PREP: variants seen among roughly 807,000 people sequenced by gnomAD.
PREP encodes the protein prolyl endopeptidase.
In PREP, 29 loss-of-function variants were observed where a neutral mutation model predicts 87.6. That is an observed-to-expected ratio of 0.33 (90% CI 0.25 to 0.45). The LOEUF (loss-of-function observed/expected upper bound fraction) is 0.45. PREP is among the 20% of genes least tolerant of loss of function. The pLI is 1.00. For synonymous variants in PREP, 337 were observed against 328.6 expected (o/e 1.03, Z -0.28); for missense variants, 695 against 886.5 (o/e 0.78, Z 2.74).
chr6:105,361,009 GA>G (rs1206901714), intron 6 of PREP, among the ~76,000 whole-genome samples: 7 of 152,060 alleles, frequency 4.6e-5, no homozygotes, highest in African/African-American at 1.4e-4. Context: ...GGGTAAGTAT[GA>G]AATAGATACT....
At chr6:105,315,111 C>A (rs937341311) in intron 10 of PREP, among the ~76,000 whole-genome samples, 5 of 152,162 alleles carry the variant, frequency 3.3e-5, no homozygotes, top group African/African-American at 4.8e-5. Flanking sequence ...GTCATCCAGG[C>A]CATTTCTAGA....
chr6:105,336,689 A>G (rs945396758), intron 7 of PREP, among the ~76,000 whole-genome samples: 1 of 152,198 alleles, frequency 6.6e-6, no homozygotes. Flanking sequence ...CTTTCTCATT[A>G]GCTATGTGAT....
intron 8 of PREP, among the ~76,000 whole-genome samples, 173 bp downstream of exon 8, chr6:105,333,141 A>G (rs541711579): frequency 3.5e-4 from 54 of 152,346 alleles, no homozygotes; most frequent in African/African-American, 1.3e-3. Context: ...CTAAGCTACA[A>G]AGATATCACA....
At position 105,319,749 on chromosome 6, in the gene PREP, C is replaced by G. The variant is rs554277285; in HGVS notation, c.1317+3916G>C. Among the ~76,000 whole-genome samples the G allele has an allele frequency of 6.0e-4, 92 of 152,326 alleles. 1 individual carries two copies. Among genetic ancestry groups the G allele is most frequent in the African/African-American group, 2.2e-3 (90 of 41,568 alleles). On this transcript the variant is annotated intron_variant, in intron 10 of 14. Transcript: ENST00000652536. Reference sequence around the variant, plus strand: ...TCAAAGCCCTGCCCAACTTCCATCCCTCCTGTGAAGGCTTCCTCCTTTACC... The same window carrying G: ...TCAAAGCCCTGCCCAACTTCCATCCGTCCTGTGAAGGCTTCCTCCTTTACC...
intron 7 of PREP, among the ~76,000 whole-genome samples, chr6:105,351,983 A>G (rs1411526097): frequency 6.6e-6 from 1 of 152,216 alleles, no homozygotes; most frequent in African/African-American, 2.4e-5. Flanking sequence ...TAATGTTAGG[A>G]TGCAGATCTT....
chr6:105,333,521 G>A lies in PREP; in HGVS notation c.824-16C>T. On this transcript the variant is annotated splice_polypyrimidine_tract_variant and intron_variant, in intron 7 of 14. Transcript: ENST00000652536. ...TTCAGGATTCCTGGCAAGAGACCAAGCATTCTCATCATCTCTCTAATGTTT... is the reference window on the plus strand; with the variant it reads ...TTCAGGATTCCTGGCAAGAGACCAAACATTCTCATCATCTCTCTAATGTTT... The A allele has an allele frequency of 6.2e-7, 1 of 1,612,748 alleles. No homozygotes were observed. The highest frequency in any genetic ancestry group is 8.5e-7 in the Non-Finnish European group (1 of 1,178,746).
chr6:105,373,320 T>G, intron 5 of PREP, 49 bp downstream of exon 5: 1 of 1,570,408 alleles, frequency 6.4e-7, no homozygotes, highest in Non-Finnish European at 8.8e-7. Flanking sequence ...TCACTTGAAG[T>G]CACACTTCAT....
At chr6:105,333,083 TA>T (rs1332096054) in intron 8 of PREP, among the ~76,000 whole-genome samples, 2 of 152,250 alleles carry the variant, frequency 1.3e-5, no homozygotes, top group African/African-American at 4.8e-5. Flanking sequence ...TCTGAAATCC[TA>T]TCTTTACAAT....
Position 105,351,462 on chromosome 6 carries a change from T to C in PREP, c.823+1510A>G, listed in dbSNP as rs146169913. ...TACTCTCTTTTCTAAATGCTAACGCTGCAATAATAAAATAACTGGGTTGCA... is the reference window on the plus strand; with the variant it reads ...TACTCTCTTTTCTAAATGCTAACGCCGCAATAATAAAATAACTGGGTTGCA... On this transcript the variant is annotated intron_variant, in intron 7 of 14. Coordinates refer to ENST00000652536, the MANE Select transcript of PREP (RefSeq NM_002726.5). 2.6e-4 allele frequency among the ~76,000 whole-genome samples: 39 copies of C among 152,256 alleles called. 1 individual carries two copies. In the East Asian group the frequency reaches 5.8e-3, roughly 23 times the overall value.
At position 105,373,615 on chromosome 6, in the gene PREP, C is replaced by G. The variant is rs774991460; in HGVS notation, c.386-37G>C. The stretch of plus-strand genomic sequence containing the variant: ...AGGAGAAATCATCCAGTGACAAACA[C>G]GGAACACAACTCCACGGTCCTTTAT... On this transcript the variant is annotated intron_variant, in intron 4 of 14. Transcript: ENST00000652536. The G allele has an allele frequency of 1.4e-5, 22 of 1,573,404 alleles. No individual in the cohort carries two copies. In the African/African-American group the frequency reaches 3.0e-4, roughly 21 times the overall value.
rs1035431086 is a variant in PREP, at chr6:105,353,315, G to C, written c.718-238C>G. ...ATTATTTTAGTTGAAAATATCAGTA[G>C]AGGTAACTGAATGTCATAACTTCAA... On this transcript the variant is annotated intron_variant, in intron 6 of 14. Transcript: ENST00000652536. 3.9e-5 allele frequency among the ~76,000 whole-genome samples: 6 copies of C among 152,140 alleles called. 1 individual carries two copies. The highest frequency in any genetic ancestry group is 1.4e-4 in the African/African-American group (6 of 41,430).
At chr6:105,291,720 T>C (rs1770300333) in intron 10 of PREP, among the ~76,000 whole-genome samples, 1 of 152,240 alleles carries the variant, frequency 6.6e-6, no homozygotes, top group Non-Finnish European at 1.5e-5. Context: ...AATAAACTCC[T>C]GTCCTTCTAA....
intron 7 of PREP, among the ~76,000 whole-genome samples, chr6:105,334,762 C>T (rs1231644696): frequency 7.2e-6 from 1 of 138,422 alleles, no homozygotes; most frequent in African/African-American, 2.9e-5. Flanking sequence ...CTCCATGTTG[C>T]CCAGGCTTGA....
In PREP at chr6:105,324,989, G is replaced by T. The variant is rs190470894; in HGVS notation, c.1214-1221C>A. Among the ~76,000 whole-genome samples the T allele has an allele frequency of 1.7e-3, 265 of 152,204 alleles. 1 individual carries two copies. Among genetic ancestry groups the T allele is most frequent in the Admixed American group, 3.9e-3 (59 of 15,288 alleles). On this transcript the variant is annotated intron_variant, in intron 9 of 14. Coordinates refer to ENST00000652536, the MANE Select transcript of PREP (RefSeq NM_002726.5). Reference sequence around the variant, plus strand: ...GACTTTCTTAGTTTAAGTTATGCTTGGATATTTGTTAGAATATACCTTTAT... The same window carrying T: ...GACTTTCTTAGTTTAAGTTATGCTTTGATATTTGTTAGAATATACCTTTAT...
At chr6:105,354,592 A>T (rs910564838) in intron 6 of PREP, among the ~76,000 whole-genome samples, 9 of 151,956 alleles carry the variant, frequency 5.9e-5, no homozygotes, top group African/African-American at 2.2e-4. Context: ...CACCCTCCAT[A>T]ATGTGGGTGG....
chr6:105,367,125 T>C (rs1470632953), intron 6 of PREP, among the ~76,000 whole-genome samples: 1 of 152,186 alleles, frequency 6.6e-6, no homozygotes, highest in Non-Finnish European at 1.5e-5. Flanking sequence ...CACTTAAAAA[T>C]GGTTATAATG....
intron 1 of PREP, among the ~76,000 whole-genome samples, chr6:105,399,523 G>A (rs995788062): frequency 6.6e-6 from 1 of 152,156 alleles, no homozygotes; most frequent in Non-Finnish European, 1.5e-5. Flanking sequence ...GTAAAAACAA[G>A]AGCAAGGAAC....
At chr6:105,341,913 G>T (rs1771662951) in intron 7 of PREP, among the ~76,000 whole-genome samples, 2 of 152,114 alleles carry the variant, frequency 1.3e-5, no homozygotes, top group South Asian at 4.1e-4. Context: ...AACCAAAACA[G>T]TCCAGGTCCA....
At chr6:105,297,181 A>G (rs1184925139) in intron 10 of PREP, among the ~76,000 whole-genome samples, 2 of 152,134 alleles carry the variant, frequency 1.3e-5, no homozygotes, top group East Asian at 3.9e-4. Context: ...AAGGCCCCCT[A>G]CACCCAGGCA....
Sources: allele counts gnomAD v4.1 joint callset (sites outside exome capture counted in the v4.1 genomes callset), GRCh38; gene constraint gnomAD v4.1.1; transcripts MANE v1.5; gene names NCBI Gene and HGNC (gene_info 2026-07-23, HGNC 2026-07-21).